The following CA1 variants were observed in gnomAD, a reference collection of about 807,000 sequenced individuals.
CA1 encodes carbonic anhydrase 1.
Under a neutral mutation model 28.8 loss-of-function variants are expected in CA1, and 27 were observed. The ratio of observed to expected loss-of-function variants is 0.94; its 90% CI spans 0.69 to 1.29. CA1 has a LOEUF of 1.29. Ranked by LOEUF, CA1 falls within the 50% of genes most tolerant of loss-of-function variation. The pLI is 0.00. For missense variants in CA1, 335 were observed against 310.5 expected, an observed-to-expected ratio of 1.08 and a Z score of -0.59; for synonymous variants, 121 against 108.8, an observed-to-expected ratio of 1.11 and a Z score of -0.70.
intron 1 of CA1, among the ~76,000 whole-genome samples, chr8:85,343,527 G>C (rs1307617891): frequency 6.6e-6 from 1 of 152,172 alleles, no homozygotes; most frequent in African/African-American, 2.4e-5. Flanking sequence ...CACTCCGGAA[G>C]CTCATGGAGT....
intron 1 of CA1, among the ~76,000 whole-genome samples, chr8:85,371,562 C>G (rs1196498602): frequency 6.6e-6 from 1 of 152,186 alleles, no homozygotes; most frequent in Non-Finnish European, 1.5e-5. Flanking sequence ...GCTGGGGCAG[C>G]ATCCTTGCCC....
At chr8:85,376,925 C>T (rs895110546) in intron 1 of CA1, among the ~76,000 whole-genome samples, 2 of 151,964 alleles carry the variant, frequency 1.3e-5, no homozygotes, top group African/African-American at 2.4e-5. Context: ...TATCCTCAGC[C>T]CAATCAGATC....
intron 1 of CA1, among the ~76,000 whole-genome samples, chr8:85,355,134 C>T (rs1379660276): frequency 1.3e-5 from 2 of 152,094 alleles, no homozygotes; most frequent in Non-Finnish European, 2.9e-5. Context: ...TGATACTGAC[C>T]ACTAGTTGAG....
intron 2 of CA1, among the ~76,000 whole-genome samples, chr8:85,340,181 TA>T (rs1808857656): frequency 6.6e-6 from 1 of 152,184 alleles, no homozygotes; most frequent in Admixed American, 6.5e-5. Context: ...TTCAAAGTTT[TA>T]AAAACAGCCT....
In CA1 at chr8:85,328,672, G is replaced by A. The variant is rs752181935; in HGVS notation, c.674C>T (p.Ala225Val). Reference protein sequence around the residue: ...ESISVSSEQLAQFRSLLSNVE... With the variant: ...ESISVSSEQLVQFRSLLSNVE... ...ATTTGATAGAAGGCTGCGGAATTGT[G>A]CCAGCTAGAAGGATAAAATATTTTA... The change falls in exon 8 of 8, where the codon GCA (alanine) becomes GTA (valine). Residue 225 changes from alanine (A) to valine (V), a missense_variant. Ala to Val is a moderately conservative substitution (Grantham distance 64). Coordinates refer to ENST00000523022, the MANE Select transcript of CA1 (RefSeq NM_001128831.4). 5.0e-6 allele frequency: 8 copies of A among 1,591,832 alleles called. No homozygotes were observed. Among genetic ancestry groups the A allele is most frequent in the Non-Finnish European group, 6.9e-6 (8 of 1,161,556 alleles).
rs751795719 is a variant in CA1 at position 85,329,812 on chromosome 8, G to A, written c.546C>T (p.Pro182=). The A allele has an allele frequency of 6.3e-7, 1 of 1,599,534 alleles. No homozygotes were observed. The highest frequency in any genetic ancestry group is 1.1e-5 in the South Asian group (1 of 88,986). Reference sequence around the variant, plus strand: ...CCAGGGATGAAGGAAGGAGAGTAGAGGGGTCAAAATTTGTGAATGGGGCTC... The same window carrying A: ...CCAGGGATGAAGGAAGGAGAGTAGAAGGGTCAAAATTTGTGAATGGGGCTC... The part of the protein sequence containing the change: ...GKRAPFTNFD[P]STLLPSSLDF... Residue 182 remains proline, a synonymous_variant, in exon 7 of 8, where the codon CCC becomes CCT. Coordinates refer to ENST00000523022, the MANE Select transcript of CA1 (RefSeq NM_001128831.4).
intron 1 of CA1, among the ~76,000 whole-genome samples, chr8:85,369,583 C>T (rs577442530): frequency 6.6e-6 from 1 of 152,112 alleles, no homozygotes; most frequent in Non-Finnish European, 1.5e-5. Context: ...GTAGGGCCAA[C>T]AAGAAGGAGA....
chr8:85,377,430 TTAAC>T (rs1413965500), intron 1 of CA1, among the ~76,000 whole-genome samples: 1 of 152,200 alleles, frequency 6.6e-6, no homozygotes. Context: ...AGGAACTTAA[TTAAC>T]CAAGTCTATC....
chr8:85,373,392 T>A (rs1359339247), intron 1 of CA1: 1 of 152,166 alleles, frequency 6.6e-6, no homozygotes, highest in Admixed American at 6.6e-5. Context: ...AGCCTATGGC[T>A]ACATCACAAT....
chr8:85,333,490 G>A lies in CA1; in HGVS notation c.450+35C>T, dbSNP rs1808498166. On this transcript the variant is annotated intron_variant, in intron 5 of 7. Coordinates refer to ENST00000523022, the MANE Select transcript of CA1 (RefSeq NM_001128831.4). ...ATTTTGAGGTCTAATTGGTAAGACA[G>A]TGGAAGCAGAGCTGTGTAATTATCT... 2.4e-6 allele frequency: 3 copies of A among 1,269,334 alleles called. No individual in the cohort carries two copies. The South Asian group carries it at 3.6e-5, about 15-fold the overall frequency. The allele number at this position is 1,269,334 out of a possible 1,614,324, so 78.6% of individuals were successfully genotyped here.
chr8:85,351,374 T>G (rs931921283), intron 1 of CA1, among the ~76,000 whole-genome samples: 6 of 152,098 alleles, frequency 3.9e-5, no homozygotes, highest in Non-Finnish European at 8.8e-5. Flanking sequence ...AATGTTGGAG[T>G]AGTAAGGAAA....
At chr8:85,355,290 T>C (rs1585948789) in intron 1 of CA1, among the ~76,000 whole-genome samples, 2 of 152,142 alleles carry the variant, frequency 1.3e-5, no homozygotes, top group South Asian at 2.1e-4. Context: ...CACCCCAAAA[T>C]TGTTTTTCTC....
chr8:85,366,633 A>C (rs558686479), intron 1 of CA1, among the ~76,000 whole-genome samples: 1 of 152,370 alleles, frequency 6.6e-6, no homozygotes, highest in South Asian at 2.1e-4. Context: ...AAATTGAAAA[A>C]TTAACAAGAG....
intron 1 of CA1, among the ~76,000 whole-genome samples, chr8:85,346,618 C>A (rs757063492): frequency 8.6e-5 from 13 of 151,962 alleles, no homozygotes; most frequent in Non-Finnish European, 1.8e-4. Flanking sequence ...AAAAATTAGC[C>A]AGGCGTGATG....
chr8:85,337,307 A>T (rs559158986), intron 3 of CA1: 69 of 489,640 alleles, frequency 1.4e-4, no homozygotes, highest in Admixed American at 7.6e-4. Flanking sequence ...CACGAGCTAC[A>T]ATTTTACCTA....
chr8:85,328,720 A>C, intron 7 of CA1, 44 bp from the exon 8 acceptor site: 1 of 1,273,400 alleles, frequency 7.9e-7, no homozygotes, highest in Non-Finnish European at 1.1e-6. Context: ...TTTTAAAGTT[A>C]CATAAAGCGT....
At chr8:85,373,863 G>A (rs1292894353) in intron 1 of CA1, among the ~76,000 whole-genome samples, 5 of 152,128 alleles carry the variant, frequency 3.3e-5, no homozygotes, top group Admixed American at 3.3e-4. Context: ...CACTTATATG[G>A]GATAACTAGA....
At position 85,328,563 on chromosome 8, in the gene CA1, A is replaced by G. The variant is rs367751099; in HGVS notation, c.783T>C (p.Phe261=). 7.6e-6 allele frequency: 12 copies of G among 1,583,498 alleles called. No individual in the cohort carries two copies. The highest frequency in any genetic ancestry group is 1.1e-5 in the South Asian group (1 of 90,146). The change falls in exon 8 of 8, where the codon TTT becomes TTC. Residue 261 remains phenylalanine (F), a synonymous_variant. Transcript: ENST00000523022. ...PLKGRTVRAS[F] ...GACAAGTTTCTTCTCAGAATCATCA[A>G]AATGAAGCTCTCACTGTTCTGCCCT...
At chr8:85,332,291 T>C in intron 6 of CA1, 199 bp downstream of exon 6, 1 of 558,540 alleles carries the variant, frequency 1.8e-6, no homozygotes, top group East Asian at 3.0e-5. Flanking sequence ...ACCATAACTA[T>C]GAAAAACAGA....
Sources: gnomAD v4.1 joint callset for allele counts (sites outside exome capture counted in the v4.1 genomes callset) on GRCh38, gnomAD v4.1.1 for gene constraint, MANE v1.5 for transcripts, NCBI Gene and HGNC (gene_info 2026-07-23, HGNC 2026-07-21) for gene names.